Variants in IRAG1 observed in about 807,000 individuals in gnomAD.
IRAG1 encodes the protein inositol 1,4,5-triphosphate receptor associated 1.
IRAG1 carries 62 observed loss-of-function variants against 106.2 expected under a neutral mutation model. That is an observed-to-expected ratio of 0.58 (90% confidence interval 0.48 to 0.72). IRAG1 has a LOEUF of 0.72. Ranked by LOEUF, IRAG1 falls within the 30% of genes least tolerant of loss-of-function variation. IRAG1 has a pLI of 0.00. For missense variants in IRAG1, 1,064 were observed against 1,140.7 expected (o/e 0.93, Z 0.97); for synonymous variants, 462 against 443.9 (o/e 1.04, Z -0.51).
At chr11:10,612,522 G>A (rs529006593) in intron 10 of IRAG1, among the ~76,000 whole-genome samples, 21 of 152,226 alleles carry the variant, frequency 1.4e-4, no homozygotes, top group African/African-American at 4.8e-4. Flanking sequence ...AGGTAGGAAG[G>A]AGTCAACAAA....
At chr11:10,612,924 A>G (rs1278471063) in intron 10 of IRAG1, among the ~76,000 whole-genome samples, 1 of 152,208 alleles carries the variant, frequency 6.6e-6, no homozygotes, top group Non-Finnish European at 1.5e-5. Context: ...AAATTGGGAA[A>G]TATACAACCA....
chr11:10,663,189 G>C (rs1263502761), intron 1 of IRAG1, among the ~76,000 whole-genome samples: 1 of 151,994 alleles, frequency 6.6e-6, no homozygotes, highest in Admixed American at 6.6e-5. Flanking sequence ...TAAAAATAAA[G>C]CTTCCTTGAC....
intron 1 of IRAG1, among the ~76,000 whole-genome samples, chr11:10,654,205 C>T (rs1858743974): frequency 1.3e-5 from 2 of 150,716 alleles, no homozygotes; most frequent in African/African-American, 2.4e-5. Context: ...GAGAAAAGGC[C>T]TGAGCTGCCA....
At chr11:10,687,104 A>T (rs1209743712) in intron 1 of IRAG1, among the ~76,000 whole-genome samples, 1 of 152,206 alleles carries the variant, frequency 6.6e-6, no homozygotes, top group Admixed American at 6.5e-5. Context: ...AGGATTGATT[A>T]ACTGGAAAAG....
rs1178640840 is a variant in IRAG1, at chr11:10,598,477, A to AC, written c.2017+2440dup. Among the ~76,000 whole-genome samples, 3 of 152,374 alleles carry AC rather than the reference A, an allele frequency of 2.0e-5. No individual in the cohort carries two copies. The South Asian group carries it at 6.2e-4, about 32-fold the overall frequency. On this transcript the variant is annotated intron_variant, in intron 15 of 20. Coordinates refer to ENST00000423302, the MANE Select transcript of IRAG1 (RefSeq NM_130385.4). The stretch of plus-strand genomic sequence containing the variant: ...TATAAATTAGTAAACTACCAAGCTT[A>AC]CAAGTGGCAAAGGTCATAAATACAG...
intron 13 of IRAG1, among the ~76,000 whole-genome samples, chr11:10,603,475 C>T (rs912789578): frequency 1.3e-5 from 2 of 152,084 alleles, no homozygotes; most frequent in Non-Finnish European, 2.9e-5. Context: ...CAATAGGGTT[C>T]GTGACCCTAT....
rs184963582 is a variant in IRAG1 at position 10,606,706 on chromosome 11, G to A, written c.1602+36C>T. 23 of 1,579,366 alleles carry A rather than the reference G, an allele frequency of 1.5e-5. No homozygotes were observed. The East Asian group carries it at 1.6e-4, about 11-fold the overall frequency. The stretch of plus-strand genomic sequence containing the variant: ...GTTTTGAATAAGCCCAGTCAAGCAC[G>A]GGCACTAAATTTCATAACACACTTG... On this transcript the variant is annotated intron_variant, in intron 12 of 20. Transcript: ENST00000423302.
At chr11:10,608,927 C>T (rs562986067) in intron 11 of IRAG1, among the ~76,000 whole-genome samples, 222 of 152,076 alleles carry the variant, frequency 1.5e-3, no homozygotes, top group African/African-American at 5.1e-3. Flanking sequence ...TATATTTTTT[C>T]TTTGAAGAGT....
intron 10 of IRAG1, among the ~76,000 whole-genome samples, chr11:10,619,500 G>GCCCC (rs1429942156): frequency 0.017 from 2,524 of 152,248 alleles, 1 homozygote; most frequent in African/African-American, 0.058. Context: ...CAGAATATAA[G>GCCCC]AAAAGAAAGT....
At chr11:10,683,644 G>T (rs1278418338) in intron 1 of IRAG1, among the ~76,000 whole-genome samples, 3 of 152,106 alleles carry the variant, frequency 2.0e-5, no homozygotes, top group Non-Finnish European at 4.4e-5. Context: ...TTGGCCAAGG[G>T]ACCAGTAGGG....
intron 10 of IRAG1, among the ~76,000 whole-genome samples, chr11:10,620,937 A>G (rs1855790444): frequency 6.6e-6 from 1 of 152,244 alleles, no homozygotes. Flanking sequence ...TGCACCCATT[A>G]AATCATAACT....
intron 2 of IRAG1, among the ~76,000 whole-genome samples, chr11:10,639,269 G>C (rs7936267): frequency 6.6e-6 from 1 of 151,970 alleles, no homozygotes; most frequent in Admixed American, 6.5e-5. Flanking sequence ...AAAGCAACTT[G>C]AAGTAACCAA....
At chr11:10,678,812 C>T (rs982491452) in intron 1 of IRAG1, among the ~76,000 whole-genome samples, 5 of 152,148 alleles carry the variant, frequency 3.3e-5, no homozygotes, top group African/African-American at 1.2e-4. Flanking sequence ...CTGCCTGTAC[C>T]AAACAGACCA....
intron 18 of IRAG1, among the ~76,000 whole-genome samples, chr11:10,585,367 T>C (rs1246216416): frequency 5.9e-5 from 9 of 152,054 alleles, no homozygotes; most frequent in African/African-American, 1.7e-4. Flanking sequence ...CATTAACTTA[T>C]ATGTATCAGG....
chr11:10,631,910 G>C, intron 4 of IRAG1, 81 bp downstream of exon 4: 4 of 1,173,356 alleles, frequency 3.4e-6, no homozygotes, highest in Non-Finnish European at 5.1e-6. Flanking sequence ...TAAAGAGCAG[G>C]AGAGAGGAAG....
At position 10,629,528 on chromosome 11, in the gene IRAG1, G is replaced by C. The variant is rs1365842669; in HGVS notation, c.574+10C>G. ...CTCAGGGCAGCCACCTGTACATCCT[G>C]CCACCCTACCTGATGGGGAGTCTCC... On this transcript the variant is annotated intron_variant, in intron 5 of 20. Transcript: ENST00000423302. 3 of 1,610,518 alleles carry C rather than the reference G, an allele frequency of 1.9e-6. No individual in the cohort carries two copies. The highest frequency in any genetic ancestry group is 1.7e-5 in the Admixed American group (1 of 59,890).
chr11:10,680,516 A>G (rs1282142247), intron 1 of IRAG1, among the ~76,000 whole-genome samples: 1 of 133,414 alleles, frequency 7.5e-6, no homozygotes, highest in Non-Finnish European at 1.5e-5. Flanking sequence ...AGGGAAAAAG[A>G]AAGGAAGAAA....
At position 10,575,983 on chromosome 11, in the gene IRAG1, C is replaced by T. The variant is rs1465404719; in HGVS notation, c.*349G>A. The T allele has an allele frequency of 3.9e-6, 1 of 259,634 alleles. No homozygotes were observed. The highest frequency in any genetic ancestry group is 7.6e-6 in the Non-Finnish European group (1 of 132,292). 16.1% of individuals were successfully genotyped at this position (259,634 alleles called of 1,614,324 possible). On this transcript the variant is annotated 3_prime_UTR_variant, in exon 21 of 21. Coordinates refer to ENST00000423302, the MANE Select transcript of IRAG1 (RefSeq NM_130385.4). ...AGTTTTTTACTGCCCCCTACCTCCT[C>T]CTCCCCCGTGCCCCGCTCCTTACCC...
chr11:10,662,914 C>T (rs1022847513), intron 1 of IRAG1, among the ~76,000 whole-genome samples: 1 of 152,212 alleles, frequency 6.6e-6, no homozygotes, highest in East Asian at 1.9e-4. Flanking sequence ...AGGCACTGTA[C>T]CCACTTGATG....
Sources: gnomAD v4.1 joint callset for allele counts (sites outside exome capture counted in the v4.1 genomes callset) on GRCh38, gnomAD v4.1.1 for gene constraint, MANE v1.5 for transcripts, NCBI Gene and HGNC (gene_info 2026-07-23, HGNC 2026-07-21) for gene names.